The following CAMTA1 variants were observed in gnomAD, a reference collection of about 807,000 sequenced individuals.
CAMTA1 encodes the protein calmodulin binding transcription activator 1.
A neutral mutation model predicts 170.9 loss-of-function variants in CAMTA1; 27 were observed. The observed-to-expected ratio is 0.16, with a 90% CI of 0.12 to 0.22. CAMTA1 has a LOEUF of 0.22. Among genes scored for constraint, CAMTA1 ranks in the 10% least tolerant of loss-of-function variants. CAMTA1 has a pLI of 1.00. For missense variants in CAMTA1, 1,619 were observed against 2,217.2 expected (o/e 0.73, Z 5.42); for synonymous variants, 833 against 891.5 (o/e 0.93, Z 1.17).
At chr1:7,472,598 G>A (rs2093352295) in intron 6 of CAMTA1, among the ~76,000 whole-genome samples, 1 of 152,206 alleles carries the variant, frequency 6.6e-6, no homozygotes, top group African/African-American at 2.4e-5. Context: ...GAATCAGAGA[G>A]ATTGGGCACC....
At chr1:7,068,867 C>T (rs1253140922) in intron 3 of CAMTA1, among the ~76,000 whole-genome samples, 1 of 152,104 alleles carries the variant, frequency 6.6e-6, no homozygotes, top group East Asian at 1.9e-4. Flanking sequence ...GTGCTTTGGC[C>T]AAGCAGATAT....
Position 7,064,680 on chromosome 1 carries a change from C to A in CAMTA1, c.235-26624C>A, listed in dbSNP as rs1407355928. Among the ~76,000 whole-genome samples the A allele has an allele frequency of 6.6e-6, 1 of 151,732 alleles. No individual in the cohort carries two copies. Among genetic ancestry groups the A allele is most frequent in the Non-Finnish European group, 1.5e-5 (1 of 67,950 alleles). ...ACAGATGGGAAAGACTGAAGCATGT[C>A]CCGGGACTGAAGGAAGTGGGGGCTG... On this transcript the variant is annotated intron_variant, in intron 3 of 22. Transcript: ENST00000303635. The surrounding 1 kb of genome is among the most constrained non-coding windows in gnomAD (Gnocchi z 5.4).
At chr1:7,599,564 A>G (rs2095425129) in intron 6 of CAMTA1, among the ~76,000 whole-genome samples, 1 of 152,096 alleles carries the variant, frequency 6.6e-6, no homozygotes, top group South Asian at 2.1e-4. Flanking sequence ...GATTCTTCCT[A>G]CCCATGAGCA....
chr1:6,891,189 A>G (rs1003655254), intron 3 of CAMTA1, among the ~76,000 whole-genome samples: 12 of 152,232 alleles, frequency 7.9e-5, no homozygotes, highest in Admixed American at 3.9e-4. Context: ...CAATAATCCC[A>G]TATTTATAAT....
chr1:7,030,798 A>G (rs1053088726), intron 3 of CAMTA1, among the ~76,000 whole-genome samples: 4 of 151,752 alleles, frequency 2.6e-5, no homozygotes, highest in South Asian at 2.1e-4. Context: ...AACTAGGTCA[A>G]GTTGGTTGAT....
intron 6 of CAMTA1, among the ~76,000 whole-genome samples, chr1:7,555,592 A>T (rs1333481823): frequency 7.0e-6 from 1 of 142,400 alleles, no homozygotes; most frequent in Non-Finnish European, 1.5e-5. Context: ...CAAGGAGCCG[A>T]ATGAGGTCCT....
intron 3 of CAMTA1, among the ~76,000 whole-genome samples, chr1:6,897,224 A>G: frequency 6.6e-6 from 1 of 152,214 alleles, no homozygotes; most frequent in Middle Eastern, 3.2e-3. Context: ...CCTGTTCAGG[A>G]TCAAGATGTG....
chr1:7,481,466 G>C (rs2093533255), intron 6 of CAMTA1, among the ~76,000 whole-genome samples: 1 of 152,124 alleles, frequency 6.6e-6, no homozygotes, highest in Non-Finnish European at 1.5e-5. Flanking sequence ...CTAAGATTCA[G>C]GTCTCCTTTC....
At chr1:6,953,248 G>C (rs1392274412) in intron 3 of CAMTA1, among the ~76,000 whole-genome samples, 1 of 152,168 alleles carries the variant, frequency 6.6e-6, no homozygotes, top group Non-Finnish European at 1.5e-5. Context: ...CTGAGACCTA[G>C]AACAGATTCT....
At chr1:7,438,930 C>T (rs1263939413) in intron 5 of CAMTA1, among the ~76,000 whole-genome samples, 1 of 152,236 alleles carries the variant, frequency 6.6e-6, no homozygotes, top group Non-Finnish European at 1.5e-5. Flanking sequence ...GAATGACCAT[C>T]TCTGAGAGTC....
rs74053121 is a variant in CAMTA1 at position 7,632,300 on chromosome 1, C to G, written c.511-8100C>G. ...CTATCCGGCTGGCGGCAGGCAGGCCCGCCCCCCGCGCCCCCAGCGGCAAGT... is the reference window on the plus strand; with the variant it reads ...CTATCCGGCTGGCGGCAGGCAGGCCGGCCCCCCGCGCCCCCAGCGGCAAGT... On this transcript the variant is annotated intron_variant, in intron 6 of 22. Coordinates refer to ENST00000303635, the MANE Select transcript of CAMTA1 (RefSeq NM_015215.4). 7.2e-5 allele frequency among the ~76,000 whole-genome samples: 11 copies of G among 152,336 alleles called. No individual in the cohort carries two copies. The East Asian group carries it at 1.9e-3, about 27-fold the overall frequency.
intron 5 of CAMTA1, among the ~76,000 whole-genome samples, chr1:7,305,066 C>G (rs1425225994): frequency 1.3e-5 from 2 of 152,026 alleles, no homozygotes; most frequent in African/African-American, 4.8e-5. Context: ...TTTTTCTTCT[C>G]CAGATAGCTG....
At chr1:7,476,311 C>A (rs534019573) in intron 6 of CAMTA1, among the ~76,000 whole-genome samples, 10 of 152,326 alleles carry the variant, frequency 6.6e-5, no homozygotes, top group African/African-American at 2.4e-4. Flanking sequence ...GGTGTCAAAG[C>A]CATTTCTGAC....
intron 3 of CAMTA1, among the ~76,000 whole-genome samples, chr1:7,026,247 A>C (rs1429419366): frequency 1.3e-5 from 2 of 152,150 alleles, no homozygotes; most frequent in Non-Finnish European, 2.9e-5. Flanking sequence ...ACAAAGAGCG[A>C]GGCGTGAGGC....
At position 6,798,213 on chromosome 1, in the gene CAMTA1, C is replaced by G. The variant is rs527707235; in HGVS notation, c.45+12638C>G. On this transcript the variant is annotated intron_variant, in intron 1 of 22. Coordinates refer to ENST00000303635, the MANE Select transcript of CAMTA1 (RefSeq NM_015215.4). ...ATGTTGGCCAGGCTGGTCTTGAACT[C>G]CTGACCTCAGGTGATTCACCCACCT... is the stretch of plus-strand genomic sequence containing the variant. Among the ~76,000 whole-genome samples the G allele has an allele frequency of 4.6e-5, 7 of 152,050 alleles. 1 individual carries two copies. The South Asian group carries it at 1.5e-3, about 32-fold the overall frequency.
At chr1:7,514,652 C>A (rs1372763502) in intron 6 of CAMTA1, among the ~76,000 whole-genome samples, 1 of 152,180 alleles carries the variant, frequency 6.6e-6, no homozygotes, top group Admixed American at 6.5e-5. Flanking sequence ...CAGGGTAAGG[C>A]CCCAAGGGGC....
chr1:7,322,959 C>T (rs1678667578), intron 5 of CAMTA1, among the ~76,000 whole-genome samples: 1 of 146,036 alleles, frequency 6.8e-6, no homozygotes, highest in Non-Finnish European at 1.5e-5. Context: ...CCCTCCCCTC[C>T]CCTTCCTCCG....
At chr1:6,835,909 T>G (rs1275249609) in intron 3 of CAMTA1, among the ~76,000 whole-genome samples, 3 of 152,216 alleles carry the variant, frequency 2.0e-5, no homozygotes, top group Admixed American at 6.5e-5. Context: ...AGAGGGCATA[T>G]AGAAGCATAT....
Position 6,971,839 on chromosome 1 carries a change from C to G in CAMTA1, c.235-119465C>G, listed in dbSNP as rs1692589652. On this transcript the variant is annotated intron_variant, in intron 3 of 22. Transcript: ENST00000303635. This position sits in a 1 kb window ranked among gnomAD's most constrained non-coding sequence, Gnocchi z 4.6. ...ATTATCACTGCTAACCCAGGTGTGA[C>G]TTGGCTCCGCTGCCATTGGCGTCAG... Among the ~76,000 whole-genome samples, 1 of 152,246 alleles carries G rather than the reference C, an allele frequency of 6.6e-6. No homozygotes were observed. Among genetic ancestry groups the G allele is most frequent in the Non-Finnish European group, 1.5e-5 (1 of 68,036 alleles).
Sources: gnomAD v4.1 joint callset for allele counts (sites outside exome capture counted in the v4.1 genomes callset) on GRCh38, gnomAD v4.1.1 for gene constraint, Gnocchi (gnomAD v3.1) non-coding constraint, MANE v1.5 for transcripts, NCBI Gene and HGNC (gene_info 2026-07-23, HGNC 2026-07-21) for gene names.